KLHL17: variants seen among roughly 807,000 people sequenced by gnomAD.
KLHL17 encodes the protein kelch-like protein 17.
A neutral mutation model predicts 64.6 loss-of-function variants in KLHL17; 71 were observed. That is an observed-to-expected ratio of 1.10 (90% CI 0.91 to 1.34). KLHL17 has a LOEUF of 1.34. Ranked by LOEUF, KLHL17 falls within the 40% of genes most tolerant of loss-of-function variation. The pLI is 0.00. For synonymous variants in KLHL17, 612 were observed against 405.4 expected (o/e 1.51, Z -6.12); for missense variants, 1,140 against 935.0 (o/e 1.22, Z -2.86).
rs773616409 is a variant in KLHL17, at chr1:964,534, C to G, written c.1700+4C>G. The G allele has an allele frequency of 1.4e-6, 2 of 1,467,940 alleles. No homozygotes were observed. The allele number at this position is 1,467,940 out of a possible 1,614,324, so 90.9% of individuals were successfully genotyped here. On this transcript the variant is annotated splice_donor_region_variant and intron_variant, in intron 11 of 11. Coordinates refer to ENST00000338591, the MANE Select transcript of KLHL17 (RefSeq NM_198317.3). ...TGGCGCCCATGAATATCCGCAGGTC[C>G]GCAGTGGGGCTGCGGGGAGGGGGGC...
chr1:962,360 G>A lies in KLHL17; in HGVS notation c.717G>A (p.Leu239=). The A allele has an allele frequency of 6.2e-7, 1 of 1,612,712 alleles. No homozygotes were observed. Among genetic ancestry groups the A allele is most frequent in the Non-Finnish European group, 8.5e-7 (1 of 1,179,914 alleles). ...EFMLLPLKQV[L]ELVSSDSLNV... is the part of the protein sequence containing the mutation. ...CTGAGGACCCCCACTCCCAGGTTCT[G>A]GAACTGGTCTCTAGCGACAGCCTGA... Residue 239 remains leucine, a synonymous_variant, in exon 5 of 12, where the codon CTG becomes CTA. Coordinates refer to ENST00000338591, the MANE Select transcript of KLHL17 (RefSeq NM_198317.3).
chr1:963,691 T>C, intron 8 of KLHL17, 187 bp downstream of exon 8: 1 of 837,922 alleles, frequency 1.2e-6, no homozygotes. Flanking sequence ...CTTTCCTCTC[T>C]CGGGTCCTTA....
chr1:963,002 C>A, intron 6 of KLHL17, 85 bp downstream of exon 6: 2 of 1,529,560 alleles, frequency 1.3e-6, no homozygotes, highest in Non-Finnish European at 1.8e-6. Flanking sequence ...CCGGTCAGGT[C>A]CTGACCTGCC....
chr1:963,588 G>A, intron 8 of KLHL17, 84 bp downstream of exon 8: 2 of 1,448,018 alleles, frequency 1.4e-6, no homozygotes, highest in South Asian at 1.3e-5. Context: ...GGTCGTATCT[G>A]ATGGGGTGTT....
In KLHL17 at chr1:961,289, G is replaced by A. The variant is rs1486946433; in HGVS notation, c.108-4G>A. ...GCGAAGCCTGACCCGCCCGCCTCCTGCAGCCCCGAGGCAGAGCGCACGCGG... is the reference window on the plus strand; with the variant it reads ...GCGAAGCCTGACCCGCCCGCCTCCTACAGCCCCGAGGCAGAGCGCACGCGG... On this transcript the variant is annotated splice_polypyrimidine_tract_variant and splice_region_variant and intron_variant, in intron 1 of 11. Transcript: ENST00000338591. 5 of 1,492,156 alleles carry A rather than the reference G, an allele frequency of 3.4e-6. No individual in the cohort carries two copies. Among genetic ancestry groups the A allele is most frequent in the East Asian group, 2.6e-5 (1 of 38,586 alleles). The allele number at this position is 1,492,156 out of a possible 1,614,324, so 92.4% of individuals were successfully genotyped here.
chr1:962,068 C>A, intron 4 of KLHL17, 21 bp downstream of exon 4: 1 of 1,593,264 alleles, frequency 6.3e-7, no homozygotes, highest in Non-Finnish European at 8.6e-7. Context: ...GCGGGCCCAG[C>A]CCTCGCCCCC....
In KLHL17 at chr1:963,197, G is replaced by A. The variant is rs7525697; in HGVS notation, c.1131G>A (p.Thr377=). 9 of 1,608,248 alleles carry A rather than the reference G, an allele frequency of 5.6e-6. No individual in the cohort carries two copies. The highest frequency in any genetic ancestry group is 4.0e-5 in the African/African-American group (3 of 74,852). The change falls in exon 7 of 12, where the codon ACG becomes ACA. Residue 377 remains threonine, a synonymous_variant. Coordinates refer to ENST00000338591, the MANE Select transcript of KLHL17 (RefSeq NM_198317.3). The stretch of plus-strand genomic sequence containing the variant: ...GGCACGTGGTGGCCTCCATGTCCAC[G>A]CGCCGGGCCCGGGTGGGAGTGGCTG... The part of the protein sequence containing the change: ...DRWHVVASMS[T]RRARVGVAAV...
intron 7 of KLHL17, 27 bp downstream of exon 7, chr1:963,280 G>C (rs755950369): frequency 6.3e-7 from 1 of 1,598,372 alleles, no homozygotes; most frequent in Admixed American, 1.7e-5. Context: ...GACTTGGGTC[G>C]GGTCTGGCAC....
intron 8 of KLHL17, 37 bp downstream of exon 8, chr1:963,541 C>G (rs558979028): frequency 1.3e-6 from 2 of 1,564,952 alleles, no homozygotes; most frequent in South Asian, 1.2e-5. Context: ...TTTGTACAGT[C>G]CATCTGCAAG....
Position 964,972 on chromosome 1 carries a change from T to C in KLHL17, c.1710T>C (p.His570=). ...CCCGCCTTCCCCCCAGGAGCACGCATGACCTGGTGGCCATGGACGGATGGT... is the reference window on the plus strand; with the variant it reads ...CCCGCCTTCCCCCCAGGAGCACGCACGACCTGGTGGCCATGGACGGATGGT... ...VAPMNIRRST[H]DLVAMDGWLY... The change falls in exon 12 of 12, where the codon CAT becomes CAC. Residue 570 remains histidine (H), a synonymous_variant. Transcript: ENST00000338591. The C allele has an allele frequency of 6.2e-7, 1 of 1,607,748 alleles. No homozygotes were observed. The highest frequency in any genetic ancestry group is 8.5e-7 in the Non-Finnish European group (1 of 1,176,420).
rs373185160 is a variant in KLHL17, at chr1:961,960, C to T, written c.624C>T (p.Asp208=). 3.1e-5 allele frequency: 50 copies of T among 1,612,814 alleles called. No homozygotes were observed. The highest frequency in any genetic ancestry group is 3.7e-5 in the Non-Finnish European group (44 of 1,180,014). The part of the protein sequence containing the change: ...RGFADAHSCS[D]LLKAAHRYVL... The stretch of plus-strand genomic sequence containing the variant: ...TTGCCGATGCGCACTCCTGCAGCGA[C>T]CTGCTCAAGGCCGCCCACAGGTACG... Residue 208 remains aspartate, a synonymous_variant, in exon 4 of 12, where the codon GAC becomes GAT. Coordinates refer to ENST00000338591, the MANE Select transcript of KLHL17 (RefSeq NM_198317.3).
At position 965,005 on chromosome 1, in the gene KLHL17, C is replaced by T. The variant is rs142898449; in HGVS notation, c.1743C>T (p.Ala581=). The change falls in exon 12 of 12, where the codon GCC becomes GCT. Residue 581 remains alanine, a synonymous_variant. Coordinates refer to ENST00000338591, the MANE Select transcript of KLHL17 (RefSeq NM_198317.3). ...TGGCCATGGACGGATGGTTGTACGC[C>T]GTGGGGGGTAACGACGGTAGCTCCA... ...DLVAMDGWLY[A]VGGNDGSSSL... is the part of the protein sequence containing the mutation. 6.0e-5 allele frequency: 96 copies of T among 1,612,330 alleles called. No individual in the cohort carries two copies. Among genetic ancestry groups the T allele is most frequent in the South Asian group, 1.8e-4 (16 of 91,064 alleles).
rs1569973993 is a variant in KLHL17, at chr1:961,731, T to C, written c.470T>C (p.Val157Ala). 6.2e-7 allele frequency: 1 copy of C among 1,611,970 alleles called. No homozygotes were observed. Among genetic ancestry groups the C allele is most frequent in the Non-Finnish European group, 8.5e-7 (1 of 1,179,478 alleles). ...VQFAYTAEIV[V>A]GEGNVQTLLP... ...TTTGCCTACACGGCTGAGATTGTGG[T>C]GGGCGAGGGCAATGTGCAGGTGAGG... Residue 157 changes from valine to alanine, a missense_variant, in exon 3 of 12, where the codon GTG (valine) becomes GCG (alanine). Coordinates refer to ENST00000338591, the MANE Select transcript of KLHL17 (RefSeq NM_198317.3).
rs146531632 is a variant in KLHL17 at position 961,398 on chromosome 1, C to T, written c.213C>T (p.Ser71=). Residue 71 remains serine (S), a synonymous_variant, in exon 2 of 12, where the codon TCC becomes TCT. Transcript: ENST00000338591. ...AGGGCCACAGCGTGGCCCACAACTC[C>T]AAGCGGCACTACCACGATGCCTTCG... The part of the protein sequence containing the change: ...SREGHSVAHN[S]KRHYHDAFVA... 2.5e-6 allele frequency: 4 copies of T among 1,609,806 alleles called. No individual in the cohort carries two copies. Among genetic ancestry groups the T allele is most frequent in the African/African-American group, 2.7e-5 (2 of 74,916 alleles).
rs371565270 is a variant in KLHL17, at chr1:961,306, C to T, written c.121C>T (p.Arg41Cys). ...PPQPPAPEAE[R>C]TRPRQARPAA... ...CGCCTCCTGCAGCCCCGAGGCAGAG[C>T]GCACGCGGCCCCGGCAGGCTCGGCC... The change falls in exon 2 of 12, where the codon CGC becomes TGC. Residue 41 changes from arginine (R) to cysteine (C), a missense_variant. Physicochemically the swap from Arg to Cys is radical, Grantham distance 180. Transcript: ENST00000338591. 4.3e-4 allele frequency: 649 copies of T among 1,519,320 alleles called. No individual in the cohort carries two copies. Among genetic ancestry groups the T allele is most frequent in the Non-Finnish European group, 5.3e-4 (604 of 1,140,688 alleles). The allele number at this position is 1,519,320 out of a possible 1,614,324, so 94.1% of individuals were successfully genotyped here.
In KLHL17 at chr1:963,489, C is replaced by T. The variant is rs138106672; in HGVS notation, c.1340C>T (p.Ala447Val). Residue 447 changes from alanine (A) to valine (V), a missense_variant, in exon 8 of 12, where the codon GCC (alanine) becomes GTC (valine). Coordinates refer to ENST00000338591, the MANE Select transcript of KLHL17 (RefSeq NM_198317.3). ...TACTCGGCCGGCGGCTATGACGGGGCCTCCTGCCTGAACAGGTAGTTGGGG... is the reference window on the plus strand; with the variant it reads ...TACTCGGCCGGCGGCTATGACGGGGTCTCCTGCCTGAACAGGTAGTTGGGG... ...LLYSAGGYDG[A>V]SCLNSAERYD... The T allele has an allele frequency of 1.8e-4, 292 of 1,608,976 alleles. 1 individual carries two copies. The highest frequency in any genetic ancestry group is 7.5e-5 in the Non-Finnish European group (88 of 1,177,550).
At chr1:963,303 C>T (rs776837077) in intron 7 of KLHL17, 34 bp from the exon 8 acceptor site, 1 of 1,599,794 alleles carries the variant, frequency 6.3e-7, no homozygotes, top group Admixed American at 1.7e-5. Context: ...GCCCGCCAGG[C>T]CAGTCTTGAC....
Position 961,313 on chromosome 1 carries a change from G to T in KLHL17, c.128G>T (p.Arg43Leu). 6.6e-7 allele frequency: 1 copy of T among 1,523,382 alleles called. No individual in the cohort carries two copies. Among genetic ancestry groups the T allele is most frequent in the African/African-American group, 1.4e-5 (1 of 71,812 alleles). 94.4% of individuals were successfully genotyped at this position (1,523,382 alleles called of 1,614,324 possible). A position where few individuals can be genotyped will look rare whatever the true frequency, so the allele number is the denominator to read the frequency against. The change falls in exon 2 of 12, where the codon CGG becomes CTG. Residue 43 changes from arginine (R) to leucine (L), a missense_variant. Coordinates refer to ENST00000338591, the MANE Select transcript of KLHL17 (RefSeq NM_198317.3). ...TGCAGCCCCGAGGCAGAGCGCACGC[G>T]GCCCCGGCAGGCTCGGCCCGCAGCC... ...QPPAPEAERTRPRQARPAAPM... is the reference protein window; with the variant it reads ...QPPAPEAERTLPRQARPAAPM...
Position 961,319 on chromosome 1 carries a change from G to T in KLHL17, c.134G>T (p.Arg45Leu). 2 of 1,533,712 alleles carry T rather than the reference G, an allele frequency of 1.3e-6. No homozygotes were observed. The highest frequency in any genetic ancestry group is 1.7e-6 in the Non-Finnish European group (2 of 1,146,086). Residue 45 changes from arginine (R) to leucine (L), a missense_variant, in exon 2 of 12, where the codon CGG (arginine) becomes CTG (leucine). Transcript: ENST00000338591. Reference sequence around the variant, plus strand: ...CCCGAGGCAGAGCGCACGCGGCCCCGGCAGGCTCGGCCCGCAGCCCCCATG... The same window carrying T: ...CCCGAGGCAGAGCGCACGCGGCCCCTGCAGGCTCGGCCCGCAGCCCCCATG... ...PAPEAERTRPRQARPAAPMEG... is the reference protein window; with the variant it reads ...PAPEAERTRPLQARPAAPMEG...
Sources: allele counts gnomAD v4.1 joint callset, GRCh38; gene constraint gnomAD v4.1.1; transcripts MANE v1.5; gene names NCBI Gene and HGNC (gene_info 2026-07-23, HGNC 2026-07-21).